CACNB2: variants seen among roughly 807,000 people sequenced by gnomAD.
CACNB2 encodes calcium voltage-gated channel auxiliary subunit beta 2, also known as voltage-dependent L-type calcium channel subunit beta-2.
CACNB2 carries 42 observed loss-of-function variants against 73.3 expected under a neutral mutation model. The observed-to-expected ratio is 0.57, with a 90% CI of 0.45 to 0.74. The LOEUF (loss-of-function observed/expected upper bound fraction) is 0.74. CACNB2 is among the 30% of genes least tolerant of loss of function. The pLI is 0.00. For missense variants in CACNB2, 940 were observed against 853.0 expected, an observed-to-expected ratio of 1.10 and a Z score of -1.27; for synonymous variants, 348 against 310.3, an observed-to-expected ratio of 1.12 and a Z score of -1.28.
At chr10:18,507,996 A>G (rs1205021890) in intron 6 of CACNB2, among the ~76,000 whole-genome samples, 2 of 151,996 alleles carry the variant, frequency 1.3e-5, no homozygotes, top group Non-Finnish European at 2.9e-5. Flanking sequence ...GCTGTTCTTG[A>G]AACTCCTGGG....
intron 2 of CACNB2, among the ~76,000 whole-genome samples, chr10:18,263,765 C>G (rs1434333171): frequency 1.3e-5 from 2 of 152,148 alleles, no homozygotes; most frequent in African/African-American, 4.8e-5. Flanking sequence ...TGCCTCCGCT[C>G]ACTTGTTTAA....
chr10:18,527,821 A>C (rs1343257429), intron 10 of CACNB2, 124 bp downstream of exon 10: 3 of 717,290 alleles, frequency 4.2e-6, no homozygotes, highest in Non-Finnish European at 7.5e-6. Context: ...GTGTGCTGCC[A>C]GTCGCTGTTG....
chr10:18,433,124 G>GATATAT (rs68101548), intron 3 of CACNB2, among the ~76,000 whole-genome samples: 1 of 148,570 alleles, frequency 6.7e-6, no homozygotes, highest in Admixed American at 6.7e-5. Context: ...TGCGTGTATT[G>GATATAT]ATATATATAT....
chr10:18,215,128 A>G (rs1212910907), intron 2 of CACNB2, among the ~76,000 whole-genome samples: 2 of 152,136 alleles, frequency 1.3e-5, no homozygotes, highest in Non-Finnish European at 2.9e-5. Flanking sequence ...GGAGATTCCC[A>G]GTATGGTATT....
At chr10:18,529,973 A>G (rs568345620) in intron 10 of CACNB2, among the ~76,000 whole-genome samples, 1 of 152,312 alleles carries the variant, frequency 6.6e-6, no homozygotes, top group South Asian at 2.1e-4. Flanking sequence ...GTGAAGGAGG[A>G]GCAAAGTCAC....
At chr10:18,494,234 G>C (rs914856459) in intron 3 of CACNB2, among the ~76,000 whole-genome samples, 2 of 152,154 alleles carry the variant, frequency 1.3e-5, no homozygotes, top group Non-Finnish European at 2.9e-5. Context: ...GAAGTCATAA[G>C]ATTTTCTATG....
At chr10:18,286,759 G>C (rs1328491447) in intron 2 of CACNB2, among the ~76,000 whole-genome samples, 1 of 152,076 alleles carries the variant, frequency 6.6e-6, no homozygotes, top group Non-Finnish European at 1.5e-5. Flanking sequence ...AAAAATGTTG[G>C]TGATTCCTAT....
intron 2 of CACNB2, among the ~76,000 whole-genome samples, chr10:18,219,501 TC>T (rs2035643078): frequency 6.6e-6 from 1 of 152,130 alleles, no homozygotes; most frequent in African/African-American, 2.4e-5. Flanking sequence ...TTTACTGTAG[TC>T]CTGTTAATGC....
At chr10:18,399,977 C>A (rs2043907994) in intron 2 of CACNB2, among the ~76,000 whole-genome samples, 1 of 152,182 alleles carries the variant, frequency 6.6e-6, no homozygotes, top group Non-Finnish European at 1.5e-5. Flanking sequence ...ATTAACCAAG[C>A]TTTGAAATTT....
chr10:18,437,721 G>A (rs1289902758), intron 3 of CACNB2, among the ~76,000 whole-genome samples: 13 of 152,164 alleles, frequency 8.5e-5, no homozygotes, highest in Non-Finnish European at 1.5e-5. Context: ...TGACAGCACT[G>A]AGAGTCAGCC....
At chr10:18,184,572 C>G (rs943633723) in intron 2 of CACNB2, among the ~76,000 whole-genome samples, 4 of 150,986 alleles carry the variant, frequency 2.6e-5, no homozygotes, top group Non-Finnish European at 5.9e-5. Context: ...GTTCCAGGAC[C>G]CTATCCTAAA....
At chr10:18,232,072 T>C (rs74756266) in intron 2 of CACNB2, among the ~76,000 whole-genome samples, 7,181 of 152,340 alleles carry the variant, frequency 0.047, 201 homozygotes, top group African/African-American at 0.071. Flanking sequence ...TGTGAAACAT[T>C]CTTAGTTCTC....
At chr10:18,507,780 T>C (rs1828471329) in intron 6 of CACNB2, among the ~76,000 whole-genome samples, 1 of 152,118 alleles carries the variant, frequency 6.6e-6, no homozygotes, top group Admixed American at 6.6e-5. Context: ...TGGGAAGAGA[T>C]AAAAAACAGA....
In CACNB2 at chr10:18,458,182, TAATAA is replaced by T. The variant is rs2047380934; in HGVS notation, c.334-40169_334-40165del. On this transcript the variant is annotated intron_variant, in intron 3 of 13. Coordinates refer to ENST00000324631, the MANE Select transcript of CACNB2 (RefSeq NM_201596.3). The stretch of plus-strand genomic sequence containing the variant: ...ACATTTACGCTTGTTTGAAACTAAG[TAATAA>T]AATCTATTAAGGTTTTCTGTTGCAA... Among the ~76,000 whole-genome samples the T allele has an allele frequency of 2.0e-5, 3 of 152,208 alleles. No individual in the cohort carries two copies. The South Asian group carries it at 6.2e-4, about 31-fold the overall frequency.
chr10:18,340,919 G>C, intron 2 of CACNB2: 5 of 1,614,084 alleles, frequency 3.1e-6, no homozygotes, highest in Non-Finnish European at 4.2e-6. Context: ...ACTTGGAATT[G>C]GTCTAGCATG....
chr10:18,343,430 G>C (rs1466569358), intron 2 of CACNB2, among the ~76,000 whole-genome samples: 1 of 152,100 alleles, frequency 6.6e-6, no homozygotes, highest in Admixed American at 6.6e-5. Context: ...ATAATGGTGT[G>C]ATTTGGCAGA....
chr10:18,487,707 C>T (rs149991591), intron 3 of CACNB2, among the ~76,000 whole-genome samples: 6 of 152,026 alleles, frequency 3.9e-5, no homozygotes, highest in Admixed American at 6.5e-5. Flanking sequence ...TGTTGGCGGG[C>T]GCCTATAGTC....
In CACNB2 at chr10:18,422,432, A is replaced by G. The variant is rs552326065; in HGVS notation, c.333+20389A>G. 9.2e-4 allele frequency among the ~76,000 whole-genome samples: 140 copies of G among 152,332 alleles called. 1 individual carries two copies. The highest frequency in any genetic ancestry group is 3.3e-3 in the African/African-American group (136 of 41,578). On this transcript the variant is annotated intron_variant, in intron 3 of 13. Transcript: ENST00000324631. ...ATTTTTCTGGCTTCTTAGAAAAATA[A>G]ATGATATATGAAATGTTTGCAGCAG...
chr10:18,498,525 C>G (rs767461492), intron 4 of CACNB2, 48 bp downstream of exon 4: 1 of 1,594,202 alleles, frequency 6.3e-7, no homozygotes, highest in Non-Finnish European at 8.6e-7. Context: ...TTCACCTTGA[C>G]ATACCATTTC....
Sources: gnomAD v4.1 joint callset for allele counts (sites outside exome capture counted in the v4.1 genomes callset) on GRCh38, gnomAD v4.1.1 for gene constraint, MANE v1.5 for transcripts, NCBI Gene and HGNC (gene_info 2026-07-23, HGNC 2026-07-21) for gene names.